The following YAP1 variants were observed in gnomAD, a reference collection of about 807,000 sequenced individuals.
The protein encoded by YAP1 is Yes1 associated transcriptional regulator.
In YAP1, 5 loss-of-function variants were observed where a neutral mutation model predicts 56.9. The observed-to-expected ratio is 0.09, with a 90% CI of 0.05 to 0.18. The LOEUF is 0.18. Ranked by LOEUF, YAP1 falls within the 10% of genes least tolerant of loss-of-function variation. The pLI, the probability that YAP1 is intolerant of heterozygous loss-of-function variation, is 1.00. For synonymous variants in YAP1, 265 were observed against 248.1 expected (o/e 1.07, Z -0.64); for missense variants, 539 against 651.8 (o/e 0.83, Z 1.88).
chr11:102,183,112 A>G (rs745874577), intron 3 of YAP1, among the ~76,000 whole-genome samples: 4 of 152,222 alleles, frequency 2.6e-5, no homozygotes, highest in African/African-American at 9.6e-5. Context: ...TTAAATGTGC[A>G]TGGAGAATGG....
At chr11:102,186,857 T>C (rs1341756894) in intron 4 of YAP1, among the ~76,000 whole-genome samples, 2 of 151,936 alleles carry the variant, frequency 1.3e-5, no homozygotes, top group Non-Finnish European at 2.9e-5. Context: ...TTTTAAACTG[T>C]TTTCAGTTTT....
At chr11:102,223,439 C>T (rs760244405) in intron 6 of YAP1, among the ~76,000 whole-genome samples, 183 bp from the exon 7 acceptor site, 42 of 152,058 alleles carry the variant, frequency 2.8e-4, no homozygotes, top group Non-Finnish European at 5.4e-4. Context: ...ATATATGTAA[C>T]TTAATTTTTA....
chr11:102,150,591 C>G (rs533545672), intron 2 of YAP1, among the ~76,000 whole-genome samples: 2 of 152,096 alleles, frequency 1.3e-5, no homozygotes, highest in East Asian at 3.9e-4. Flanking sequence ...TGTAGGGATT[C>G]TATCTTGTAC....
At chr11:102,215,036 T>C (rs1949593350) in intron 6 of YAP1, among the ~76,000 whole-genome samples, 1 of 152,216 alleles carries the variant, frequency 6.6e-6, no homozygotes, top group South Asian at 2.1e-4. Context: ...ACTGCTTTGG[T>C]AAATGGCATA....
intron 3 of YAP1, among the ~76,000 whole-genome samples, chr11:102,175,059 C>T (rs114488404): frequency 7.5e-4 from 114 of 152,280 alleles, no homozygotes; most frequent in African/African-American, 2.7e-3. Context: ...ATGGGTGAAC[C>T]TGAACTCAGG....
chr11:102,129,795 CTTTTTT>C (rs773044206), intron 2 of YAP1, among the ~76,000 whole-genome samples: 159 of 102,072 alleles, frequency 1.6e-3, no homozygotes, highest in African/African-American at 5.9e-3. Flanking sequence ...GGAAGCAAAA[CTTTTTT>C]TTTTTTTTTT....
intron 2 of YAP1, among the ~76,000 whole-genome samples, chr11:102,123,647 T>TTTTTTTC (rs1943831221): frequency 8.0e-6 from 1 of 125,320 alleles, no homozygotes; most frequent in Admixed American, 8.1e-5. Context: ...TTTTTTTTTC[T>TTTTTTTC]TTTTTTTTTC....
At chr11:102,156,103 T>C (rs1480609474) in intron 2 of YAP1, among the ~76,000 whole-genome samples, 1 of 152,204 alleles carries the variant, frequency 6.6e-6, no homozygotes, top group Non-Finnish European at 1.5e-5. Flanking sequence ...ACTGCCAATG[T>C]CTGTAACCTA....
intron 2 of YAP1, among the ~76,000 whole-genome samples, chr11:102,154,098 A>G (rs1259374302): frequency 2.0e-5 from 3 of 152,162 alleles, no homozygotes; most frequent in African/African-American, 4.8e-5. Flanking sequence ...AGGTGATAAT[A>G]TATTTCATAG....
chr11:102,141,085 A>G (rs1048601946), intron 2 of YAP1, among the ~76,000 whole-genome samples: 1 of 152,192 alleles, frequency 6.6e-6, no homozygotes, highest in African/African-American at 2.4e-5. Context: ...TAAATGAAAT[A>G]TACATTCCCT....
chr11:102,224,555 G>A (rs926540833), intron 7 of YAP1, among the ~76,000 whole-genome samples: 1 of 152,134 alleles, frequency 6.6e-6, no homozygotes, highest in Non-Finnish European at 1.5e-5. Context: ...TTTTGCACTA[G>A]GAAAACTATT....
intron 6 of YAP1, among the ~76,000 whole-genome samples, chr11:102,215,894 A>G (rs1228807994): frequency 6.6e-6 from 1 of 152,198 alleles, no homozygotes; most frequent in Non-Finnish European, 1.5e-5. Context: ...AATTGCATAT[A>G]TTTATATAAG....
At chr11:102,226,041 G>A (rs538187370) in intron 7 of YAP1, among the ~76,000 whole-genome samples, 9 of 152,286 alleles carry the variant, frequency 5.9e-5, no homozygotes, top group Non-Finnish European at 8.8e-5. Context: ...TGAACTCTGC[G>A]CAACTCTGTA....
intron 6 of YAP1, among the ~76,000 whole-genome samples, chr11:102,211,467 A>G (rs1459046698): frequency 6.6e-6 from 1 of 152,224 alleles, no homozygotes; most frequent in Non-Finnish European, 1.5e-5. Context: ...GCTGGAGATT[A>G]AAATATTGGT....
At chr11:102,152,159 A>G (rs1412025778) in intron 2 of YAP1, among the ~76,000 whole-genome samples, 1 of 152,238 alleles carries the variant, frequency 6.6e-6, no homozygotes, top group African/African-American at 2.4e-5. Flanking sequence ...TTTGGCCTAT[A>G]CTGTCTTTAT....
chr11:102,201,667 A>G (rs1948867477), intron 4 of YAP1, among the ~76,000 whole-genome samples: 1 of 152,208 alleles, frequency 6.6e-6, no homozygotes, highest in South Asian at 2.1e-4. Flanking sequence ...GACAATACAT[A>G]TTAATGTTGT....
At chr11:102,157,342 T>C (rs979951120) in intron 2 of YAP1, among the ~76,000 whole-genome samples, 3 of 152,174 alleles carry the variant, frequency 2.0e-5, no homozygotes, top group Non-Finnish European at 4.4e-5. Flanking sequence ...GATTGAACAA[T>C]GTATCATTGT....
chr11:102,226,484 AAAGTTG>A (rs1401578978), intron 7 of YAP1, among the ~76,000 whole-genome samples: 5 of 152,218 alleles, frequency 3.3e-5, no homozygotes, highest in Admixed American at 3.3e-4. Context: ...AGCCGTAGAG[AAAGTTG>A]AAGTTCACAC....
intron 2 of YAP1, among the ~76,000 whole-genome samples, chr11:102,117,084 T>C (rs1434753140): frequency 6.6e-6 from 1 of 152,238 alleles, no homozygotes; most frequent in Non-Finnish European, 1.5e-5. Flanking sequence ...TTGTTACAAC[T>C]TCTTTTTGTG....
Sources: allele counts gnomAD v4.1 joint callset (sites outside exome capture counted in the v4.1 genomes callset), GRCh38; gene constraint gnomAD v4.1.1; transcripts MANE v1.5; gene names NCBI Gene and HGNC (gene_info 2026-07-23, HGNC 2026-07-21).